Variants in PFKFB2 observed in about 807,000 individuals in gnomAD.
PFKFB2 encodes the protein 6-phosphofructo-2-kinase/fructose-2,6-bisphosphatase 2.
Under a neutral mutation model 68.0 loss-of-function variants are expected in PFKFB2, and 53 were observed. The ratio of observed to expected loss-of-function variants is 0.78; its 90% confidence interval spans 0.63 to 0.98. The LOEUF is 0.98. Ranked by LOEUF, PFKFB2 falls within the 50% of genes least tolerant of loss-of-function variation. The probability of loss-of-function intolerance (pLI) is 0.00; values close to 1 mark genes in which losing one functional copy is unlikely to be tolerated. For synonymous variants in PFKFB2, 222 were observed against 227.6 expected (o/e 0.98, Z 0.22); for missense variants, 451 against 642.0 (o/e 0.70, Z 3.22).
At chr1:207,050,952 C>A (rs541136434), upstream of PFKFB2, 68 of 1,570,486 alleles carry the variant, frequency 4.3e-5, 1 homozygote, top group African/African-American at 8.0e-4. Context: ...TTGGTCCCGG[C>A]AGCCTGTTGG....
chr1:207,076,501 C>G lies in PFKFB2; in HGVS notation c.*4130C>G. On this transcript the variant is annotated 3_prime_UTR_variant, in exon 15 of 15. Coordinates refer to ENST00000367080, the MANE Select transcript of PFKFB2 (RefSeq NM_006212.2). ...TATTGAAAATATGTAACAACTGAGT[C>G]GGGTTGCAGCACTGGTGGGGTAGAA... is the stretch of plus-strand genomic sequence containing the variant. 1.0e-6 allele frequency: 1 copy of G among 985,256 alleles called. No individual in the cohort carries two copies. The highest frequency in any genetic ancestry group is 1.2e-6 in the Non-Finnish European group (1 of 829,822). 61.0% of individuals were successfully genotyped at this position (985,256 alleles called of 1,614,324 possible). A position where few individuals can be genotyped will look rare whatever the true frequency, so the allele number is the denominator to read the frequency against.
At chr1:207,065,513 G>T (rs1448201438) in intron 8 of PFKFB2, among the ~76,000 whole-genome samples, 5 of 151,608 alleles carry the variant, frequency 3.3e-5, no homozygotes, top group African/African-American at 1.2e-4. Flanking sequence ...ACCATGCCCG[G>T]CTATTTTTTT....
At chr1:207,051,644 C>T (rs950890173), upstream of PFKFB2, among the ~76,000 whole-genome samples, 3 of 152,276 alleles carry the variant, frequency 2.0e-5, no homozygotes, top group South Asian at 2.1e-4. Context: ...AGTCGTGTAA[C>T]GCGTGTCATC....
In PFKFB2 at chr1:207,076,941, A is replaced by G. The variant is rs1174178523; in HGVS notation, c.*4570A>G. 1 of 982,676 alleles carries G rather than the reference A, an allele frequency of 1.0e-6. No individual in the cohort carries two copies. The highest frequency in any genetic ancestry group is 1.2e-6 in the Non-Finnish European group (1 of 827,516). 60.9% of individuals were successfully genotyped at this position (982,676 alleles called of 1,614,324 possible). A position where few individuals can be genotyped will look rare whatever the true frequency, so the allele number is the denominator to read the frequency against. ...TTAAATGTGTCTAACAAAGGAAGGA[A>G]TTAAGCACTCCACGTGTTTTCTTTA... On this transcript the variant is annotated 3_prime_UTR_variant, in exon 15 of 15. Coordinates refer to ENST00000367080, the MANE Select transcript of PFKFB2 (RefSeq NM_006212.2).
At chr1:207,045,647 ATTT>A (rs954935356) in intron 2 of PFKFB2, 1 of 151,336 alleles carries the variant, frequency 6.6e-6, no homozygotes, top group African/African-American at 2.4e-5. Flanking sequence ...TTCCCATTCC[ATTT>A]TTTTTCCCAA....
At position 207,065,873 on chromosome 1, in the gene PFKFB2, G is replaced by A. The variant is rs76184547; in HGVS notation, c.632+713G>A. ...TCTCCAGACATGTCAGAGGTTCCCC[G>A]GGGGGCACAGTTATCCCTGGTTGAG... On this transcript the variant is annotated intron_variant, in intron 8 of 14. Coordinates refer to ENST00000367080, the MANE Select transcript of PFKFB2 (RefSeq NM_006212.2). 1.7e-3 allele frequency among the ~76,000 whole-genome samples: 253 copies of A among 152,216 alleles called. 3 individuals carry two copies. The highest frequency in any genetic ancestry group is 5.9e-3 in the African/African-American group (247 of 41,548).
chr1:207,042,189 C>T lies in PFKFB2; in HGVS notation c.-41C>T, dbSNP rs144416667. On this transcript the variant is annotated 5_prime_UTR_variant, in exon 2 of 6. Coordinates refer to the PFKFB2 transcript ENST00000545806. The stretch of plus-strand genomic sequence containing the variant: ...TTCAGCCTCCAAGACGGCCATCAAA[C>T]CTGTTTTTCACCACATTTTACAGGT... The T allele has an allele frequency of 1.8e-3, 272 of 152,254 alleles. 1 individual carries two copies. Among genetic ancestry groups the T allele is most frequent in the African/African-American group, 6.5e-3 (269 of 41,552 alleles). The allele number at this position is 152,254 out of a possible 1,614,324, so 9.4% of individuals were successfully genotyped here. A position where few individuals can be genotyped will look rare whatever the true frequency, so the allele number is the denominator to read the frequency against.
At chr1:207,052,382 C>T, upstream of PFKFB2, 2 of 641,868 alleles carry the variant, frequency 3.1e-6, no homozygotes, top group Non-Finnish European at 5.4e-6. Flanking sequence ...ACCGGGGTGG[C>T]CGGGCGCAGT....
At chr1:207,036,734 T>C (rs1167151492) in intron 1 of PFKFB2, among the ~76,000 whole-genome samples, 3 of 152,186 alleles carry the variant, frequency 2.0e-5, no homozygotes, top group African/African-American at 7.2e-5. Flanking sequence ...TCCTATAAAA[T>C]CCTGTCATCC....
chr1:207,078,660 C>T (rs141308420), downstream of PFKFB2, among the ~76,000 whole-genome samples: 31 of 152,338 alleles, frequency 2.0e-4, no homozygotes, highest in East Asian at 1.7e-3. Flanking sequence ...CAGAGGGATC[C>T]TGACTGCTCC....
chr1:207,038,997 C>G (rs983983806), intron 1 of PFKFB2, among the ~76,000 whole-genome samples: 4 of 152,166 alleles, frequency 2.6e-5, no homozygotes, highest in African/African-American at 9.7e-5. Context: ...ATTTGTTAAA[C>G]CATTTAACAA....
In PFKFB2 at chr1:207,070,307, G is replaced by C. The variant is rs1683429064; in HGVS notation, c.1120G>C (p.Glu374Gln). Residue 374 changes from glutamate (E) to glutamine (Q), a missense_variant, in exon 12 of 15, where the codon GAG becomes CAG. Glu to Gln is a conservative substitution (Grantham distance 29, BLOSUM62 2). Coordinates refer to ENST00000367080, the MANE Select transcript of PFKFB2 (RefSeq NM_006212.2). The surrounding 1 kb of genome is among the most constrained non-coding windows in gnomAD (Gnocchi z 4.2). ...ESYQDLVQRLEPVIMELERQG... is the reference protein window; with the variant it reads ...ESYQDLVQRLQPVIMELERQG... ...ATACCAGGACCTGGTGCAGCGGCTG[G>C]AGCCTGTCATCATGGAGCTGGAACG... The C allele has an allele frequency of 6.2e-7, 1 of 1,613,524 alleles. No individual in the cohort carries two copies. The highest frequency in any genetic ancestry group is 8.5e-7 in the Non-Finnish European group (1 of 1,179,992).
chr1:207,068,897 C>T (rs1034760191), intron 10 of PFKFB2, among the ~76,000 whole-genome samples: 3 of 152,032 alleles, frequency 2.0e-5, no homozygotes, highest in Non-Finnish European at 2.9e-5. Flanking sequence ...TAGGCACCTG[C>T]CACCACGCCT....
intron 2 of PFKFB2, chr1:207,044,744 G>A (rs1682553034): frequency 1.3e-5 from 2 of 152,572 alleles, no homozygotes; most frequent in South Asian, 4.1e-4. Flanking sequence ...TTGGAAAAGG[G>A]TAATTCATGA....
At position 207,061,063 on chromosome 1, in the gene PFKFB2, C is replaced by A. The variant is rs1305450536; in HGVS notation, c.86-890C>A. 4.4e-3 allele frequency: 381 copies of A among 87,140 alleles called. 3 individuals are homozygous for A. Among genetic ancestry groups the A allele is most frequent in the African/African-American group, 0.012 (308 of 26,768 alleles). The allele number at this position is 87,140 out of a possible 1,614,324, so 5.4% of individuals were successfully genotyped here. ...TTAAATATATATATTTTATATATAT[C>A]TTTATATATATCTTTATATATCTTT... On this transcript the variant is annotated intron_variant, in intron 2 of 14. Coordinates refer to ENST00000367080, the MANE Select transcript of PFKFB2 (RefSeq NM_006212.2).
Position 207,072,491 on chromosome 1 carries a change from G to A in PFKFB2, c.*120G>A, listed in dbSNP as rs1299253995. The A allele has an allele frequency of 2.7e-6, 4 of 1,471,608 alleles. No homozygotes were observed. The allele number at this position is 1,471,608 out of a possible 1,614,324, so 91.2% of individuals were successfully genotyped here. A position where few individuals can be genotyped will look rare whatever the true frequency, so the allele number is the denominator to read the frequency against. ...ACTTCCTCCCTCTATGCCCACCCCTGACACTTCACCATTAATCTTAACACA... is the reference window on the plus strand; with the variant it reads ...ACTTCCTCCCTCTATGCCCACCCCTAACACTTCACCATTAATCTTAACACA... On this transcript the variant is annotated 3_prime_UTR_variant, in exon 15 of 15. Transcript: ENST00000367080.
At position 207,076,247 on chromosome 1, in the gene PFKFB2, T is replaced by C. The variant is rs951657726; in HGVS notation, c.*3876T>C. On this transcript the variant is annotated 3_prime_UTR_variant, in exon 15 of 15. Transcript: ENST00000367080. ...AAATAAATTCATCTATGTTACTTTT[T>C]TTTTCTTTTTTTTTTTTTTTTATGA... The C allele has an allele frequency of 2.0e-6, 2 of 976,040 alleles. No individual in the cohort carries two copies. The highest frequency in any genetic ancestry group is 1.2e-6 in the Non-Finnish European group (1 of 821,996). 60.5% of individuals were successfully genotyped at this position (976,040 alleles called of 1,614,324 possible).
rs1683485535 is a variant in PFKFB2 at position 207,072,233 on chromosome 1, A to G, written c.1380A>G (p.Val460=). The G allele has an allele frequency of 5.0e-6, 8 of 1,614,020 alleles. 1 individual carries two copies. The South Asian group carries it at 7.7e-5, about 16-fold the overall frequency. ...TNNFPKNQTP[V]RMRRNSFTPL... Reference sequence around the variant, plus strand: ...ACTTCCCCAAGAACCAAACCCCTGTAAGGATGAGAAGGAACAGCTTTACGC... The same window carrying G: ...ACTTCCCCAAGAACCAAACCCCTGTGAGGATGAGAAGGAACAGCTTTACGC... Residue 460 remains valine, a synonymous_variant, in exon 15 of 15, where the codon GTA becomes GTG. Coordinates refer to ENST00000367080, the MANE Select transcript of PFKFB2 (RefSeq NM_006212.2).
At chr1:207,062,312 G>A (rs1683142170) in intron 3 of PFKFB2, among the ~76,000 whole-genome samples, 1 of 152,188 alleles carries the variant, frequency 6.6e-6, no homozygotes, top group South Asian at 2.1e-4. Flanking sequence ...ATTTAGATGA[G>A]CATAGGGCTG....
Sources: allele counts gnomAD v4.1 joint callset (sites outside exome capture counted in the v4.1 genomes callset), GRCh38; gene constraint gnomAD v4.1.1; non-coding constraint Gnocchi (gnomAD v3.1); transcripts MANE v1.5; gene names NCBI Gene and HGNC (gene_info 2026-07-23, HGNC 2026-07-21).